Variants in L3MBTL4 observed in about 807,000 individuals in gnomAD.
L3MBTL4 encodes the protein L3MBTL histone methyl-lysine binding protein 4.
L3MBTL4 carries 70 observed loss-of-function variants against 84.5 expected under a neutral mutation model. That is an observed-to-expected ratio of 0.83 (90% CI 0.68 to 1.01). The LOEUF (loss-of-function observed/expected upper bound fraction) is 1.01, where lower values mean the gene tolerates loss of function less well. L3MBTL4 is among the 50% of genes least tolerant of loss of function. The pLI is 0.00. For synonymous variants in L3MBTL4, 274 were observed against 259.8 expected (o/e 1.05, Z -0.52); for missense variants, 715 against 754.8 (o/e 0.95, Z 0.62).
chr18:6,129,172 C>A (rs1025791687), intron 14 of L3MBTL4, among the ~76,000 whole-genome samples: 27 of 152,264 alleles, frequency 1.8e-4, no homozygotes, highest in African/African-American at 6.3e-4. Context: ...TAAAGTCAGA[C>A]CAACCGAACA....
rs375609451 is a variant in L3MBTL4, at chr18:6,239,726, G to A, written c.699C>T (p.Tyr233=). 1.9e-5 allele frequency: 30 copies of A among 1,613,114 alleles called. No individual in the cohort carries two copies. The highest frequency in any genetic ancestry group is 6.7e-5 in the East Asian group (3 of 44,892). Reference sequence around the variant, plus strand: ...ACACATTCATATCTCACCAGTAATCGTAACTATCATCCCAGTTGTCAAAAT... The same window carrying A: ...ACACATTCATATCTCACCAGTAATCATAACTATCATCCCAGTTGTCAAAAT... ...LVHFDNWDDS[Y]DYWCDVNSPY... is the part of the protein sequence containing the mutation. Residue 233 remains tyrosine, a synonymous_variant, in exon 9 of 19, where the codon TAC becomes TAT. Transcript: ENST00000317931.
chr18:6,132,606 C>T (rs1490701275), intron 14 of L3MBTL4, among the ~76,000 whole-genome samples: 4 of 152,146 alleles, frequency 2.6e-5, no homozygotes, highest in African/African-American at 9.7e-5. Flanking sequence ...TTCTTTAAAC[C>T]TTTCTTTTTT....
chr18:6,228,432 AT>A (rs1430860950), intron 10 of L3MBTL4, among the ~76,000 whole-genome samples: 2 of 152,214 alleles, frequency 1.3e-5, no homozygotes, highest in Admixed American at 6.5e-5. Flanking sequence ...TTTTTGAACA[AT>A]ATTGTTCAGA....
At position 6,239,836 on chromosome 18, in the gene L3MBTL4, T is replaced by A. The variant is rs1408888963; in HGVS notation, c.589A>T (p.Lys197Ter). 6.2e-7 allele frequency: 1 copy of A among 1,614,082 alleles called. No homozygotes were observed. Among genetic ancestry groups the A allele is most frequent in the Non-Finnish European group, 8.5e-7 (1 of 1,180,046 alleles). Reference sequence around the variant, plus strand: ...TTCTTCCTGTCCACGGCCTCCAGCTTCATTCCAACCTGAAATTCTTTAGAC... The same window carrying A: ...TTCTTCCTGTCCACGGCCTCCAGCTACATTCCAACCTGAAATTCTTTAGAC... Reference protein sequence around the residue: ...PMSKEFQVGMKLEAVDRKNPS... With the variant: ...PMSKEFQVGM The change falls in exon 9 of 19, where the codon AAG (lysine) becomes TAG (stop). Residue 197 changes from lysine to a stop codon, truncating the protein, a stop_gained. Transcript: ENST00000317931. LOFTEE classifies it high-confidence loss of function.
At chr18:5,983,526 A>T (rs1044814031) in intron 16 of L3MBTL4, among the ~76,000 whole-genome samples, 1 of 152,176 alleles carries the variant, frequency 6.6e-6, no homozygotes, top group Non-Finnish European at 1.5e-5. Flanking sequence ...GTGTTAGGGA[A>T]TAGAACAACT....
chr18:6,414,170 G>GCGCC lies in L3MBTL4; in HGVS notation c.-91+627_-91+630dup, dbSNP rs1568627396. The GCGCC allele has an allele frequency of 6.6e-6, 1 of 152,288 alleles. No individual in the cohort carries two copies. The highest frequency in any genetic ancestry group is 1.5e-5 in the Non-Finnish European group (1 of 68,132). The allele number at this position is 152,288 out of a possible 1,614,324, so 9.4% of individuals were successfully genotyped here. ...AGAGCCGCCGTCCCAGGCTGGCCAGGCGCCCGCCCGCCCTGCGCGCACTCC... is the reference window on the plus strand; with the variant it reads ...AGAGCCGCCGTCCCAGGCTGGCCAGGCGCCCGCCCGCCCGCCCTGCGCGCACTCC... On this transcript the variant is annotated intron_variant, in intron 1 of 18. Coordinates refer to ENST00000317931, the MANE Select transcript of L3MBTL4 (RefSeq NM_001330559.2). This position sits in a 1 kb window ranked among gnomAD's most constrained non-coding sequence, Gnocchi z 5.4.
At chr18:6,371,836 G>GT (rs2054171849) in intron 1 of L3MBTL4, among the ~76,000 whole-genome samples, 1 of 152,202 alleles carries the variant, frequency 6.6e-6, no homozygotes, top group East Asian at 1.9e-4. Context: ...TCCAGGCTCA[G>GT]TTTCTCAAGA....
chr18:5,958,764 C>G (rs1295448992), intron 18 of L3MBTL4, among the ~76,000 whole-genome samples: 4 of 152,134 alleles, frequency 2.6e-5, no homozygotes, highest in Admixed American at 2.6e-4. Context: ...TCACCCTAAT[C>G]TTTAAGGGCC....
At chr18:6,347,863 A>G (rs1469706008) in intron 1 of L3MBTL4, among the ~76,000 whole-genome samples, 1 of 151,732 alleles carries the variant, frequency 6.6e-6, no homozygotes. Context: ...TTGGAAGGGG[A>G]AAAAAAAGAA....
intron 4 of L3MBTL4, among the ~76,000 whole-genome samples, chr18:6,298,025 A>G (rs922827651): frequency 6.6e-6 from 1 of 152,230 alleles, no homozygotes; most frequent in Non-Finnish European, 1.5e-5. Flanking sequence ...TGGAATGCAC[A>G]TGCTGATATC....
intron 1 of L3MBTL4, among the ~76,000 whole-genome samples, chr18:6,347,624 T>A (rs74989037): frequency 0.039 from 5,765 of 148,322 alleles, 355 homozygotes; most frequent in African/African-American, 0.13. Flanking sequence ...CATAACTTTT[T>A]AAAAAAAAAA....
chr18:6,031,479 A>G, intron 16 of L3MBTL4: 1 of 985,454 alleles, frequency 1.0e-6, no homozygotes, highest in Non-Finnish European at 1.2e-6. Flanking sequence ...AGGGACCATC[A>G]GCATCTCATT....
At chr18:6,272,197 G>A (rs1233490058) in intron 4 of L3MBTL4, among the ~76,000 whole-genome samples, 1 of 152,206 alleles carries the variant, frequency 6.6e-6, no homozygotes, top group Non-Finnish European at 1.5e-5. Context: ...AGAACAGACA[G>A]GTAGCATTGG....
At chr18:6,209,424 C>T (rs2046006293) in intron 12 of L3MBTL4, among the ~76,000 whole-genome samples, 2 of 146,376 alleles carry the variant, frequency 1.4e-5, no homozygotes, top group African/African-American at 5.3e-5. Context: ...GACCCGAAGC[C>T]CATAAGGCCC....
chr18:6,353,974 A>G (rs913036952), intron 1 of L3MBTL4, among the ~76,000 whole-genome samples: 2 of 152,176 alleles, frequency 1.3e-5, no homozygotes, highest in Non-Finnish European at 2.9e-5. Context: ...AGAATAGACA[A>G]AGACAACCTA....
chr18:6,083,685 T>C (rs988696734), intron 15 of L3MBTL4, among the ~76,000 whole-genome samples: 1 of 152,222 alleles, frequency 6.6e-6, no homozygotes, highest in Non-Finnish European at 1.5e-5. Flanking sequence ...CCATAGCTTT[T>C]ATATAGTCAT....
chr18:5,972,316 A>G (rs1389744727), intron 16 of L3MBTL4, among the ~76,000 whole-genome samples: 3 of 152,236 alleles, frequency 2.0e-5, no homozygotes, highest in African/African-American at 7.2e-5. Context: ...GAAAACTCAT[A>G]AAGACCTGAG....
At chr18:6,291,315 C>A (rs2049855377) in intron 4 of L3MBTL4, among the ~76,000 whole-genome samples, 1 of 152,168 alleles carries the variant, frequency 6.6e-6, no homozygotes, top group Non-Finnish European at 1.5e-5. Context: ...AATTGTACTG[C>A]TGATCCCTTT....
intron 14 of L3MBTL4, among the ~76,000 whole-genome samples, chr18:6,096,189 C>G (rs1456343773): frequency 6.6e-6 from 1 of 152,104 alleles, no homozygotes; most frequent in African/African-American, 2.4e-5. Context: ...TACCACAGAC[C>G]CCTCCACAGT....
Sources: allele counts gnomAD v4.1 joint callset (sites outside exome capture counted in the v4.1 genomes callset), GRCh38; gene constraint gnomAD v4.1.1; non-coding constraint Gnocchi (gnomAD v3.1); transcripts MANE v1.5; gene names NCBI Gene and HGNC (gene_info 2026-07-23, HGNC 2026-07-21).